Variants in TMEM132B observed in about 807,000 individuals in gnomAD.
TMEM132B encodes the protein transmembrane protein 132B.
In TMEM132B, 18 loss-of-function variants were observed where a neutral mutation model predicts 90.8. The observed-to-expected ratio is 0.20, with a 90% CI of 0.14 to 0.29. The LOEUF is 0.29. Among genes scored for constraint, TMEM132B ranks in the 10% least tolerant of loss-of-function variants. The pLI is 1.00. For missense variants in TMEM132B, 1,096 were observed against 1,326.8 expected, an observed-to-expected ratio of 0.83 and a Z score of 2.70; for synonymous variants, 504 against 523.3, an observed-to-expected ratio of 0.96 and a Z score of 0.50.
At chr12:125,623,269 C>A (rs1223139813) in intron 5 of TMEM132B, among the ~76,000 whole-genome samples, 1 of 152,172 alleles carries the variant, frequency 6.6e-6, no homozygotes, top group Non-Finnish European at 1.5e-5. Flanking sequence ...TGAAAACATC[C>A]TACAGATAAA....
chr12:125,206,089 C>T (rs1873176962), intron 1 of TMEM132B, among the ~76,000 whole-genome samples: 1 of 152,140 alleles, frequency 6.6e-6, no homozygotes, highest in Non-Finnish European at 1.5e-5. Flanking sequence ...TGCCCGACCC[C>T]ACAGCTAGGA....
intron 3 of TMEM132B, among the ~76,000 whole-genome samples, chr12:125,436,535 A>G (rs2345232): frequency 0.55 from 82,837 of 151,744 alleles, 24,405 homozygotes; most frequent in African/African-American, 0.78. Context: ...AGAACGTCGC[A>G]TGAAGAAGGC....
rs188101204 is a variant in TMEM132B at position 125,474,208 on chromosome 12, T to C, written c.1107-45231T>C. Among the ~76,000 whole-genome samples, 28 of 151,654 alleles carry C rather than the reference T, an allele frequency of 1.8e-4. No individual in the cohort carries two copies. In the South Asian group the frequency reaches 2.1e-3, roughly 11 times the overall value. On this transcript the variant is annotated intron_variant, in intron 3 of 8. Coordinates refer to ENST00000682704, the MANE Select transcript of TMEM132B (RefSeq NM_001366854.1). Reference sequence around the variant, plus strand: ...TGCTTTCCTGCCTTCCTGCCTTCCTTCTTTACTTTTTTCTTTTCATTTCTC... The same window carrying C: ...TGCTTTCCTGCCTTCCTGCCTTCCTCCTTTACTTTTTTCTTTTCATTTCTC...
chr12:125,625,821 T>C (rs1160773135), intron 5 of TMEM132B, among the ~76,000 whole-genome samples: 1 of 152,250 alleles, frequency 6.6e-6, no homozygotes, highest in Non-Finnish European at 1.5e-5. Context: ...CATATGGTAT[T>C]GAAATATTTT....
At chr12:125,211,317 T>C (rs950607671) in intron 1 of TMEM132B, among the ~76,000 whole-genome samples, 4 of 152,164 alleles carry the variant, frequency 2.6e-5, no homozygotes, top group Non-Finnish European at 5.9e-5. Flanking sequence ...TGCAGCTGGG[T>C]TTATGGGTCT....
chr12:125,536,852 G>A lies in TMEM132B; in HGVS notation c.1293+17227G>A, dbSNP rs1436722891. Among the ~76,000 whole-genome samples the A allele has an allele frequency of 3.3e-5, 4 of 120,166 alleles. No homozygotes were observed. The East Asian group carries it at 1.2e-3, about 35-fold the overall frequency. 78.8% of individuals were successfully genotyped at this position (120,166 alleles called of 152,430 possible). On this transcript the variant is annotated intron_variant, in intron 4 of 8. Coordinates refer to ENST00000682704, the MANE Select transcript of TMEM132B (RefSeq NM_001366854.1). ...CATTAGGTTAAGGATGTGAATCTGG[G>A]GAGATTATCCTGAAAAAAAAATACC... is the stretch of plus-strand genomic sequence containing the variant.
At chr12:125,432,397 A>ATATATG (rs768917407) in intron 3 of TMEM132B, among the ~76,000 whole-genome samples, 1 of 68,346 alleles carries the variant, frequency 1.5e-5, no homozygotes, top group Admixed American at 1.8e-4. Context: ...ATATATATAT[A>ATATATG]TGTATGTATG....
At chr12:125,431,975 C>T (rs554910224) in intron 3 of TMEM132B, among the ~76,000 whole-genome samples, 32 of 152,176 alleles carry the variant, frequency 2.1e-4, no homozygotes, top group Admixed American at 1.2e-3. Context: ...TCGCTTTTGC[C>T]ATGTGTGAAA....
chr12:125,500,543 G>C (rs1294455071), intron 3 of TMEM132B, among the ~76,000 whole-genome samples: 2 of 152,308 alleles, frequency 1.3e-5, no homozygotes, highest in Non-Finnish European at 2.9e-5. Context: ...CCCATTTGAG[G>C]ACATGATAAT....
At chr12:125,206,283 G>A (rs1333302613) in intron 1 of TMEM132B, among the ~76,000 whole-genome samples, 1 of 152,082 alleles carries the variant, frequency 6.6e-6, no homozygotes, top group African/African-American at 2.4e-5. Flanking sequence ...ATGTAGCGCA[G>A]GCTGGAGTGC....
At chr12:125,629,221 T>C (rs1048242609) in intron 5 of TMEM132B, among the ~76,000 whole-genome samples, 1 of 152,154 alleles carries the variant, frequency 6.6e-6, no homozygotes, top group African/African-American at 2.4e-5. Context: ...TTGCATTTAA[T>C]CTGTAGATTG....
rs1042269863 is a variant in TMEM132B at position 125,217,559 on chromosome 12, G to A, written c.67+30693G>A. ...CCTTCCAGGCTTAGGCGATCCTCCC[G>A]CCTCAGCCTCCCGAGTAGCTGGGAC... On this transcript the variant is annotated intron_variant, in intron 1 of 8. Coordinates refer to ENST00000682704, the MANE Select transcript of TMEM132B (RefSeq NM_001366854.1). 2.6e-5 allele frequency among the ~76,000 whole-genome samples: 4 copies of A among 152,182 alleles called. No homozygotes were observed. In the East Asian group the frequency reaches 7.7e-4, roughly 29 times the overall value.
At chr12:125,198,720 G>GA (rs1298384786) in intron 1 of TMEM132B, among the ~76,000 whole-genome samples, 1 of 152,198 alleles carries the variant, frequency 6.6e-6, no homozygotes. Flanking sequence ...TCAGAAGGAA[G>GA]AAAAACTACT....
At chr12:125,532,409 C>T (rs1426519607) in intron 4 of TMEM132B, among the ~76,000 whole-genome samples, 1 of 152,134 alleles carries the variant, frequency 6.6e-6, no homozygotes, top group Non-Finnish European at 1.5e-5. Flanking sequence ...CTGGAATTGT[C>T]CTGCTTGTTG....
At chr12:125,583,815 C>T (rs1336875047) in intron 4 of TMEM132B, 36 bp from the exon 5 acceptor site, 31 of 1,611,200 alleles carry the variant, frequency 1.9e-5, no homozygotes, top group Middle Eastern at 3.7e-4. Flanking sequence ...GTGGTATGCA[C>T]GTTTGCTGAT....
intron 3 of TMEM132B, among the ~76,000 whole-genome samples, chr12:125,428,342 C>T (rs934522230): frequency 1.3e-5 from 2 of 152,012 alleles, no homozygotes; most frequent in Non-Finnish European, 2.9e-5. Flanking sequence ...TTTAGAAACC[C>T]GGGCCTCTCC....
chr12:125,623,114 G>A (rs1462657405), intron 5 of TMEM132B, among the ~76,000 whole-genome samples: 1 of 152,154 alleles, frequency 6.6e-6, no homozygotes. Flanking sequence ...TGGGCAGCAT[G>A]ATATGCTGGG....
At chr12:125,369,104 G>A (rs1878220445) in intron 2 of TMEM132B, among the ~76,000 whole-genome samples, 1 of 151,738 alleles carries the variant, frequency 6.6e-6, no homozygotes, top group Admixed American at 6.6e-5. Context: ...TCCCACCTAT[G>A]AGTGAGAACA....
In TMEM132B at chr12:125,584,005, A is replaced by G; in HGVS notation, c.1437+11A>G. 6.2e-7 allele frequency: 1 copy of G among 1,613,890 alleles called. No individual in the cohort carries two copies. Among genetic ancestry groups the G allele is most frequent in the South Asian group, 1.1e-5 (1 of 91,070 alleles). ...GAAGATGTCATTAAGGTAAGGGGGG[A>G]TTTATCTACAGCTGTCCTAAGTGCT... On this transcript the variant is annotated intron_variant, in intron 5 of 8. Coordinates refer to ENST00000682704, the MANE Select transcript of TMEM132B (RefSeq NM_001366854.1).
Sources: gnomAD v4.1 joint callset for allele counts (sites outside exome capture counted in the v4.1 genomes callset) on GRCh38, gnomAD v4.1.1 for gene constraint, MANE v1.5 for transcripts, NCBI Gene and HGNC (gene_info 2026-07-23, HGNC 2026-07-21) for gene names.